Variants in ARK2N observed in about 807,000 individuals in gnomAD.
The protein encoded by ARK2N is protein ARK2N.
chr18:46,206,489 A>C, the ARK2N span, among the ~76,000 whole-genome samples: 33 of 152,170 alleles, frequency 2.2e-4, no homozygotes, highest in Non-Finnish European at 4.0e-4. Context: ...ATCTGTGATG[A>C]AAACTTGTCT....
chr18:46,185,844 G>A, the ARK2N span, among the ~76,000 whole-genome samples: 1 of 151,974 alleles, frequency 6.6e-6, no homozygotes, highest in South Asian at 2.1e-4. Context: ...AAAATTAGCT[G>A]GGCTTGCTGG....
the ARK2N span, among the ~76,000 whole-genome samples, chr18:46,208,505 C>CT: frequency 1.7e-5 from 2 of 115,066 alleles, no homozygotes; most frequent in Non-Finnish European, 3.3e-5. Flanking sequence ...AAGTCTCGCT[C>CT]TGTCACCAGG....
At chr18:46,204,296 T>C in the ARK2N span, among the ~76,000 whole-genome samples, 299 of 152,312 alleles carry the variant, frequency 2.0e-3, 1 homozygote, top group African/African-American at 6.7e-3. Context: ...AGCATAAGGT[T>C]TCCTGTTAGG....
chr18:46,198,758 C>T, the ARK2N span, among the ~76,000 whole-genome samples: 1 of 152,086 alleles, frequency 6.6e-6, no homozygotes, highest in Non-Finnish European at 1.5e-5. Flanking sequence ...ACCATCACAC[C>T]TGGCTAATTT....
At chr18:46,195,578 T>A in the ARK2N span, among the ~76,000 whole-genome samples, 2 of 133,322 alleles carry the variant, frequency 1.5e-5, no homozygotes, top group Non-Finnish European at 3.1e-5. Flanking sequence ...TTTTTTTTTT[T>A]TTTTTTTTTT....
chr18:46,233,221 T>A, the ARK2N span, among the ~76,000 whole-genome samples: 1 of 152,082 alleles, frequency 6.6e-6, no homozygotes, highest in Non-Finnish European at 1.5e-5. Flanking sequence ...TTTGGAAAAA[T>A]AGCAAAATTT....
the ARK2N span, among the ~76,000 whole-genome samples, chr18:46,211,253 G>T: frequency 1.6e-4 from 24 of 152,188 alleles, no homozygotes; most frequent in African/African-American, 5.8e-4. Context: ...CTGTTATGCA[G>T]CCTGGAACGT....
At chr18:46,205,486 C>A in the ARK2N span, among the ~76,000 whole-genome samples, 1 of 152,124 alleles carries the variant, frequency 6.6e-6, no homozygotes. Context: ...GGAATGTTTT[C>A]TCTGTGTTTT....
chr18:46,180,776 A>G, the ARK2N span, among the ~76,000 whole-genome samples: 1 of 152,156 alleles, frequency 6.6e-6, no homozygotes, highest in Non-Finnish European at 1.5e-5. Context: ...AGTGAACCAG[A>G]TGATTTCTGA....
At chr18:46,216,349 A>G in the ARK2N span, 1 of 1,614,068 alleles carries the variant, frequency 6.2e-7, no homozygotes, top group Non-Finnish European at 8.5e-7. The surrounding 1 kb of genome is among the most constrained non-coding windows in gnomAD (Gnocchi z 4.3). Context: ...TGCCAAGAAA[A>G]ACCGGCAATC....
chr18:46,252,202 A>G, the ARK2N span, among the ~76,000 whole-genome samples: 9 of 152,180 alleles, frequency 5.9e-5, no homozygotes, highest in Admixed American at 4.6e-4. Flanking sequence ...CAAAAAAAAA[A>G]AAGGTACAAG....
At chr18:46,213,823 A>C in the ARK2N span, among the ~76,000 whole-genome samples, 1 of 152,058 alleles carries the variant, frequency 6.6e-6, no homozygotes, top group African/African-American at 2.4e-5. Context: ...CAGCCTCCCG[A>C]GTAGCTGGGA....
chr18:46,265,664 CTG>C, the ARK2N span: 1 of 152,464 alleles, frequency 6.6e-6, no homozygotes, highest in Non-Finnish European at 1.5e-5. Context: ...TATAGAGAGA[CTG>C]TGTTTCAACT....
chr18:46,260,085 G>T, the ARK2N span, among the ~76,000 whole-genome samples: 5 of 152,102 alleles, frequency 3.3e-5, no homozygotes, highest in African/African-American at 1.2e-4. Flanking sequence ...GTTGAGCTTG[G>T]AGGGCATCTT....
chr18:46,223,755 T>C, the ARK2N span, among the ~76,000 whole-genome samples: 1 of 152,184 alleles, frequency 6.6e-6, no homozygotes, highest in Non-Finnish European at 1.5e-5. Context: ...GCTTTGGGGA[T>C]ACAACAGTGA....
the ARK2N span, among the ~76,000 whole-genome samples, chr18:46,222,344 T>G: frequency 1.3e-5 from 2 of 152,242 alleles, no homozygotes; most frequent in African/African-American, 2.4e-5. Flanking sequence ...GAAATTACAT[T>G]AGTTATAAAT....
chr18:46,255,445 CTTTTTTTTTTT>C, the ARK2N span, among the ~76,000 whole-genome samples: 1 of 77,742 alleles, frequency 1.3e-5, no homozygotes, highest in Admixed American at 1.6e-4. Flanking sequence ...CTTTTCTTTT[CTTTTTTTTTTT>C]TTTTTTTTTT....
the ARK2N span, among the ~76,000 whole-genome samples, chr18:46,249,530 C>T: frequency 3.9e-5 from 6 of 152,228 alleles, no homozygotes; most frequent in East Asian, 1.2e-3. Context: ...CCACGCCCGG[C>T]CTTGCATTCT....
chr18:46,201,779 C>CTTTTCT, the ARK2N span, among the ~76,000 whole-genome samples: 3 of 135,774 alleles, frequency 2.2e-5, no homozygotes, highest in East Asian at 2.1e-4. Context: ...CTTTTCTTTT[C>CTTTTCT]TTTTTTTTTT....
Sources: allele counts gnomAD v4.1 joint callset (sites outside exome capture counted in the v4.1 genomes callset), GRCh38; gene constraint gnomAD v4.1.1; non-coding constraint Gnocchi (gnomAD v3.1); transcripts MANE v1.5; gene names NCBI Gene and HGNC (gene_info 2026-07-23, HGNC 2026-07-21).